Variants in ZFHX3 observed in about 807,000 individuals in gnomAD.
ZFHX3 encodes the protein zinc finger homeobox 3.
ZFHX3 carries 42 observed loss-of-function variants against 279.1 expected under a neutral mutation model. That is an observed-to-expected ratio of 0.15 (90% CI 0.12 to 0.19). ZFHX3 has a LOEUF of 0.19. Among genes scored for constraint, ZFHX3 ranks in the 10% least tolerant of loss-of-function variants. The probability of loss-of-function intolerance (pLI) is 1.00; values close to 1 mark genes in which losing one functional copy is unlikely to be tolerated. For missense variants in ZFHX3, 4,981 were observed against 4,754.0 expected (o/e 1.05, Z -1.40); for synonymous variants, 2,293 against 1,957.8 (o/e 1.17, Z -4.52).
chr16:73,853,256 C>T (rs1426826899), intron 1 of ZFHX3, among the ~76,000 whole-genome samples: 1 of 152,144 alleles, frequency 6.6e-6, no homozygotes, highest in African/African-American at 2.4e-5. Context: ...ACTCGATGGA[C>T]AACAATACAG....
intron 2 of ZFHX3, among the ~76,000 whole-genome samples, chr16:73,654,508 A>G (rs2052703036): frequency 6.6e-6 from 1 of 152,160 alleles, no homozygotes; most frequent in African/African-American, 2.4e-5. Context: ...ATGATGACAT[A>G]CACACAAGAA....
intron 1 of ZFHX3, among the ~76,000 whole-genome samples, chr16:73,731,835 GA>G (rs1322002401): frequency 2.0e-5 from 3 of 152,166 alleles, no homozygotes; most frequent in Non-Finnish European, 4.4e-5. Flanking sequence ...TTTCTTCATA[GA>G]AGGACTGAGG....
intron 5 of ZFHX3, among the ~76,000 whole-genome samples, chr16:73,215,052 C>A (rs146848586): frequency 6.4e-4 from 97 of 152,028 alleles, no homozygotes; most frequent in African/African-American, 1.6e-3. Context: ...AGTTCTTTGC[C>A]ATAAATAACG....
intron 1 of ZFHX3, among the ~76,000 whole-genome samples, chr16:72,961,954 C>G (rs540284036): frequency 6.6e-6 from 1 of 152,194 alleles, no homozygotes; most frequent in African/African-American, 2.4e-5. Context: ...ATGGGACTTC[C>G]TCGCAAGGCT....
intron 1 of ZFHX3, among the ~76,000 whole-genome samples, chr16:73,031,124 G>A (rs541231906): frequency 6.6e-6 from 1 of 152,310 alleles, no homozygotes; most frequent in East Asian, 1.9e-4. Context: ...GAGGTCACAA[G>A]GATCTATCAG....
intron 3 of ZFHX3, among the ~76,000 whole-genome samples, chr16:73,336,985 C>T (rs1472865284): frequency 1.3e-5 from 2 of 152,136 alleles, no homozygotes; most frequent in African/African-American, 4.8e-5. Context: ...TACAAGGTTC[C>T]CTGGACTCCT....
At chr16:72,828,698 C>A (rs1395304877) in intron 5 of ZFHX3, among the ~76,000 whole-genome samples, 1 of 152,168 alleles carries the variant, frequency 6.6e-6, no homozygotes, top group Admixed American at 6.5e-5. Flanking sequence ...ACTGCTGACT[C>A]CCTTAGTAAT....
At chr16:73,031,832 G>T (rs1964713195) in intron 1 of ZFHX3, among the ~76,000 whole-genome samples, 1 of 152,172 alleles carries the variant, frequency 6.6e-6, no homozygotes, top group Admixed American at 6.5e-5. Context: ...GAGGGCAGAG[G>T]TGTGGAGAGA....
intron 3 of ZFHX3, among the ~76,000 whole-genome samples, chr16:73,379,349 T>A (rs1202256743): frequency 6.6e-6 from 1 of 152,002 alleles, no homozygotes; most frequent in Non-Finnish European, 1.5e-5. Context: ...GGCCCCAATC[T>A]ATCACCCCAC....
chr16:73,689,378 T>C (rs149627955), intron 1 of ZFHX3, among the ~76,000 whole-genome samples: 68 of 152,278 alleles, frequency 4.5e-4, no homozygotes, highest in African/African-American at 1.6e-3. Flanking sequence ...CCTGGAGTCA[T>C]TGATTTTGCA....
intron 5 of ZFHX3, among the ~76,000 whole-genome samples, chr16:73,158,356 A>T (rs1168745226): frequency 6.6e-6 from 1 of 152,210 alleles, no homozygotes; most frequent in African/African-American, 2.4e-5. Context: ...GTATTCTGCC[A>T]GTGCAAAGTA....
intron 2 of ZFHX3, among the ~76,000 whole-genome samples, chr16:73,621,074 C>G (rs2052355980): frequency 6.6e-6 from 1 of 152,182 alleles, no homozygotes; most frequent in Admixed American, 6.5e-5. Flanking sequence ...TTTTAGTGGT[C>G]TAGCACCAAC....
At chr16:73,885,203 A>C (rs1597158230) in intron 1 of ZFHX3, among the ~76,000 whole-genome samples, 1 of 152,180 alleles carries the variant, frequency 6.6e-6, no homozygotes, top group African/African-American at 2.4e-5. Flanking sequence ...TGGGAAAAAA[A>C]CCTATTTTTC....
At chr16:72,858,204 C>A (rs1350024898) in intron 4 of ZFHX3, among the ~76,000 whole-genome samples, 1 of 152,184 alleles carries the variant, frequency 6.6e-6, no homozygotes, top group Admixed American at 6.5e-5. Flanking sequence ...TATTTTAGAT[C>A]AAGCCCAAAA....
At chr16:73,814,663 G>T (rs956082641) in intron 1 of ZFHX3, among the ~76,000 whole-genome samples, 7 of 151,898 alleles carry the variant, frequency 4.6e-5, no homozygotes, top group African/African-American at 7.2e-5. Flanking sequence ...TGCCTCCTGG[G>T]TTCAAGTGAT....
intron 1 of ZFHX3, among the ~76,000 whole-genome samples, chr16:72,968,584 C>T (rs1445220418): frequency 4.6e-5 from 7 of 151,712 alleles, no homozygotes; most frequent in African/African-American, 1.7e-4. Flanking sequence ...CCTCAGCCTC[C>T]TAAGTAGCTG....
intron 1 of ZFHX3, among the ~76,000 whole-genome samples, chr16:73,843,955 T>G (rs560010242): frequency 1.3e-4 from 20 of 152,238 alleles, no homozygotes; most frequent in Non-Finnish European, 2.4e-4. Flanking sequence ...TTTCAATTCT[T>G]TTTTCAACGA....
intron 9 of ZFHX3, chr16:72,790,097 C>T (rs971376143): frequency 6.6e-6 from 1 of 152,270 alleles, no homozygotes; most frequent in East Asian, 1.9e-4. Flanking sequence ...CCTCCCTGAC[C>T]CATAGCTATC....
intron 1 of ZFHX3, chr16:73,808,525 C>T (rs1025504182): frequency 6.6e-6 from 1 of 152,102 alleles, no homozygotes; most frequent in Non-Finnish European, 1.5e-5. Context: ...GAAATAGATA[C>T]CCAGGCACAC....
Sources: allele counts gnomAD v4.1 joint callset (sites outside exome capture counted in the v4.1 genomes callset), GRCh38; gene constraint gnomAD v4.1.1; transcripts MANE v1.5; gene names NCBI Gene and HGNC (gene_info 2026-07-23, HGNC 2026-07-21).